Variants in ITSN2 observed in about 807,000 individuals in gnomAD.
ITSN2 encodes intersectin-2.
A neutral mutation model predicts 243.7 loss-of-function variants in ITSN2; 156 were observed. The observed-to-expected ratio is 0.64, with a 90% CI of 0.56 to 0.73. ITSN2 has a LOEUF of 0.73. Ranked by LOEUF, ITSN2 falls within the 30% of genes least tolerant of loss-of-function variation. The pLI is 0.00. For synonymous variants in ITSN2, 703 were observed against 699.9 expected (o/e 1.00, Z -0.07); for missense variants, 1,801 against 1,996.1 (o/e 0.90, Z 1.86).
intron 17 of ITSN2, among the ~76,000 whole-genome samples, chr2:24,277,560 G>C (rs947644459): frequency 6.6e-6 from 1 of 152,182 alleles, no homozygotes; most frequent in African/African-American, 2.4e-5. Flanking sequence ...TTGAAAAGCA[G>C]AAGAATATAG....
intron 34 of ITSN2, 69 bp from the exon 35 acceptor site, chr2:24,210,102 T>A: frequency 8.7e-7 from 1 of 1,143,682 alleles, no homozygotes; most frequent in Non-Finnish European, 1.3e-6. Flanking sequence ...GAGAGGCCAG[T>A]GCCCTGGGCC....
At chr2:24,274,592 G>T (rs1677794367) in intron 18 of ITSN2, among the ~76,000 whole-genome samples, 1 of 152,068 alleles carries the variant, frequency 6.6e-6, no homozygotes, top group Non-Finnish European at 1.5e-5. Context: ...AGAAATGGGG[G>T]TCTAGGAGTA....
chr2:24,216,159 C>G lies in ITSN2; in HGVS notation c.3880G>C (p.Glu1294Gln), dbSNP rs1046919585. ...VQMIGDILAA[E>Q]LSHMQAYIRF... Reference sequence around the variant, plus strand: ...ATGTAAGCCTGCATGTGGGACAGCTCAGCGGCCAGGATGTCCCCAATCATC... The same window carrying G: ...ATGTAAGCCTGCATGTGGGACAGCTGAGCGGCCAGGATGTCCCCAATCATC... The change falls in exon 32 of 40, where the codon GAG becomes CAG. Residue 1294 changes from glutamate (E) to glutamine (Q), a missense_variant. Coordinates refer to ENST00000355123, the MANE Select transcript of ITSN2 (RefSeq NM_006277.3). The G allele has an allele frequency of 3.7e-6, 6 of 1,612,768 alleles. No homozygotes were observed. In the African/African-American group the frequency reaches 8.0e-5, roughly 22 times the overall value.
At chr2:24,331,156 C>G (rs1347375299) in intron 1 of ITSN2, among the ~76,000 whole-genome samples, 2 of 151,278 alleles carry the variant, frequency 1.3e-5, no homozygotes, top group African/African-American at 4.9e-5. Flanking sequence ...ACTGCAACCT[C>G]CGCCTCCCAG....
chr2:24,252,282 T>C (rs1674444563), intron 25 of ITSN2, 63 bp downstream of exon 25: 1 of 1,160,530 alleles, frequency 8.6e-7, no homozygotes, highest in African/African-American at 1.6e-5. Context: ...TTATTTTTAA[T>C]ACCAAAATAA....
intron 32 of ITSN2, among the ~76,000 whole-genome samples, chr2:24,214,093 T>C (rs1354981416): frequency 6.6e-6 from 1 of 152,248 alleles, no homozygotes; most frequent in Non-Finnish European, 1.5e-5. Flanking sequence ...GGGGCCGAGA[T>C]TCTGAAGCCT....
At chr2:24,357,185 A>C (rs1169803367) in intron 1 of ITSN2, among the ~76,000 whole-genome samples, 7 of 152,248 alleles carry the variant, frequency 4.6e-5, no homozygotes, top group African/African-American at 1.7e-4. Flanking sequence ...ACGTATGTTT[A>C]CTACAGCACT....
chr2:24,351,557 T>C (rs1259930962), intron 1 of ITSN2, among the ~76,000 whole-genome samples: 1 of 152,202 alleles, frequency 6.6e-6, no homozygotes, highest in African/African-American at 2.4e-5. Flanking sequence ...CTTTCTGAAG[T>C]TTCAGTTACC....
chr2:24,302,487 C>A (rs1389774123), intron 9 of ITSN2, among the ~76,000 whole-genome samples: 1 of 152,176 alleles, frequency 6.6e-6, no homozygotes, highest in African/African-American at 2.4e-5. Context: ...CGTGAGCCAC[C>A]TGGGCCCGGC....
intron 5 of ITSN2, among the ~76,000 whole-genome samples, chr2:24,311,882 G>A (rs140770003): frequency 2.0e-5 from 3 of 152,078 alleles, no homozygotes; most frequent in Non-Finnish European, 4.4e-5. Context: ...CATATATATA[G>A]AGAGAGAGGA....
At chr2:24,354,454 G>A (rs1373255140) in intron 1 of ITSN2, among the ~76,000 whole-genome samples, 2 of 152,182 alleles carry the variant, frequency 1.3e-5, no homozygotes, top group Non-Finnish European at 2.9e-5. Flanking sequence ...TAAGAACTAT[G>A]TTAGGTTAGT....
intron 1 of ITSN2, among the ~76,000 whole-genome samples, chr2:24,352,592 C>A (rs1436539117): frequency 6.6e-6 from 1 of 152,096 alleles, no homozygotes; most frequent in South Asian, 2.1e-4. Context: ...AATTTAGCAA[C>A]CTCAGTTTAG....
chr2:24,275,588 T>G, intron 18 of ITSN2, 125 bp downstream of exon 18: 68 of 649,498 alleles, frequency 1.0e-4, no homozygotes, highest in East Asian at 3.4e-4. Flanking sequence ...ACTGAACTTA[T>G]GAGATCCAGA....
intron 25 of ITSN2, 29 bp from the exon 26 acceptor site, chr2:24,248,911 A>C: frequency 6.2e-7 from 1 of 1,601,894 alleles, no homozygotes. Context: ...GTGTTGTTTT[A>C]TTATTTCCAA....
chr2:24,314,124 T>C (rs2151758528), intron 3 of ITSN2, among the ~76,000 whole-genome samples: 1 of 152,196 alleles, frequency 6.6e-6, no homozygotes, highest in African/African-American at 2.4e-5. Flanking sequence ...GCATGTGTAC[T>C]ATTCTCCTGG....
At chr2:24,274,295 C>T (rs553756692) in intron 18 of ITSN2, among the ~76,000 whole-genome samples, 7 of 152,258 alleles carry the variant, frequency 4.6e-5, no homozygotes, top group South Asian at 2.1e-4. Context: ...GATCACCAGG[C>T]GCAGTGGCTC....
In ITSN2 at chr2:24,308,752, T is replaced by C. The variant is rs1398189526; in HGVS notation, c.658A>G (p.Thr220Ala). The change falls in exon 8 of 40, where the codon ACT becomes GCT. Residue 220 changes from threonine (T) to alanine (A), a missense_variant. Transcript: ENST00000355123. ...SLIDLGSSSSTSSTASLSGNS... is the reference protein window; with the variant it reads ...SLIDLGSSSSASSTASLSGNS... ...CCTGAGAGTGAAGCAGTCGAGGAAG[T>C]TGAGCTATAAAAAAATTTATTTAAA... 8 of 1,398,072 alleles carry C rather than the reference T, an allele frequency of 5.7e-6. No homozygotes were observed. The highest frequency in any genetic ancestry group is 5.2e-5 in the Admixed American group (2 of 38,486). 86.6% of individuals were successfully genotyped at this position (1,398,072 alleles called of 1,614,324 possible).
intron 14 of ITSN2, among the ~76,000 whole-genome samples, chr2:24,294,236 G>A (rs1680650938): frequency 6.6e-6 from 1 of 152,168 alleles, no homozygotes; most frequent in Non-Finnish European, 1.5e-5. Context: ...GACCAGCCTG[G>A]TCAACATGGT....
chr2:24,340,542 C>T (rs1390728418), intron 1 of ITSN2, among the ~76,000 whole-genome samples: 2 of 151,920 alleles, frequency 1.3e-5, no homozygotes, highest in African/African-American at 2.4e-5. Flanking sequence ...AAGTCAAAAT[C>T]GTCGCAGTCC....
Sources: gnomAD v4.1 joint callset for allele counts (sites outside exome capture counted in the v4.1 genomes callset) on GRCh38, gnomAD v4.1.1 for gene constraint, MANE v1.5 for transcripts, NCBI Gene and HGNC (gene_info 2026-07-23, HGNC 2026-07-21) for gene names.